Variants in CA5A observed in about 807,000 individuals in gnomAD.
The protein encoded by CA5A is carbonic anhydrase 5A, also known as carbonic anhydrase 5A, mitochondrial.
In CA5A, 28 loss-of-function variants were observed where a neutral mutation model predicts 37.1. That is an observed-to-expected ratio of 0.75 (90% CI 0.56 to 1.03). The LOEUF is 1.03. Ranked by LOEUF, CA5A falls within the 50% of genes least tolerant of loss-of-function variation. The pLI is 0.00. For synonymous variants in CA5A, 171 were observed against 158.4 expected (o/e 1.08, Z -0.60); for missense variants, 444 against 399.9 (o/e 1.11, Z -0.94).
At chr16:87,896,134 T>G (rs574802171) in intron 5 of CA5A, among the ~76,000 whole-genome samples, 1 of 152,332 alleles carries the variant, frequency 6.6e-6, no homozygotes, top group Non-Finnish European at 1.5e-5. Flanking sequence ...AGTTTACTGA[T>G]GAAGATAGAC....
At chr16:87,902,082 G>T in intron 4 of CA5A, 108 bp from the exon 5 acceptor site, 7 of 986,992 alleles carry the variant, frequency 7.1e-6, no homozygotes, top group Non-Finnish European at 9.7e-6. Flanking sequence ...GGCCAGGTGC[G>T]GTGGCTCATG....
chr16:87,926,801 C>G lies in CA5A; in HGVS notation c.287G>C (p.Trp96Ser), dbSNP rs766339583. ...CACCTGGAAGAGGTAGCCAGTGTTC[C>G]AGATGTACAGGCAGGATGCCGCTTC... ...SYEAASCLYIWNTGYLFQVEF... is the reference protein window; with the variant it reads ...SYEAASCLYISNTGYLFQVEF... Residue 96 changes from tryptophan to serine, a missense_variant, in exon 2 of 7, where the codon TGG becomes TCG. Transcript: ENST00000649794. 84 of 1,614,118 alleles carry G rather than the reference C, an allele frequency of 5.2e-5. 3 individuals carry two copies. Among genetic ancestry groups the G allele is most frequent in the African/African-American group, 8.0e-5 (6 of 74,954 alleles).
chr16:87,926,699 C>T (rs757087961), intron 2 of CA5A, 49 bp downstream of exon 2: 1 of 1,474,772 alleles, frequency 6.8e-7, no homozygotes, highest in South Asian at 1.2e-5. Context: ...GACCCTGCTG[C>T]CAGAACAACG....
chr16:87,888,370 A>G lies in CA5A; in HGVS notation c.775-98T>C, dbSNP rs558126910. On this transcript the variant is annotated intron_variant, in intron 6 of 6. Coordinates refer to ENST00000649794, the MANE Select transcript of CA5A (RefSeq NM_001739.2). ...CTTATGTGGTCCCCTCCCATGCTGA[A>G]TCAGGATGGCCCGAAATGATCAATA... is the stretch of plus-strand genomic sequence containing the variant. 16 of 1,054,834 alleles carry G rather than the reference A, an allele frequency of 1.5e-5. No homozygotes were observed. The African/African-American group carries it at 2.5e-4, about 17-fold the overall frequency. The allele number at this position is 1,054,834 out of a possible 1,614,324, so 65.3% of individuals were successfully genotyped here. A position where few individuals can be genotyped will look rare whatever the true frequency, so the allele number is the denominator to read the frequency against.
At chr16:87,929,826 C>T (rs1032313770) in intron 1 of CA5A, among the ~76,000 whole-genome samples, 3 of 142,940 alleles carry the variant, frequency 2.1e-5, no homozygotes, top group South Asian at 2.2e-4. Flanking sequence ...GAGCCGAGAT[C>T]GCGCCACCGC....
chr16:87,893,160 A>G (rs1307275814), intron 5 of CA5A: 15 of 417,098 alleles, frequency 3.6e-5, no homozygotes, highest in Non-Finnish European at 5.5e-5. Context: ...TTTTTTTCAG[A>G]CAGAGTCTCC....
rs558522128 is a variant in CA5A, at chr16:87,897,065, T to A, written c.618+4847A>T. On this transcript the variant is annotated intron_variant, in intron 5 of 6. Transcript: ENST00000649794. Reference sequence around the variant, plus strand: ...TTCCCCAGGTGTACGACAGGCAGTGTGGTGGCGGTAATGGGCTTCCATCAG... The same window carrying A: ...TTCCCCAGGTGTACGACAGGCAGTGAGGTGGCGGTAATGGGCTTCCATCAG... Among the ~76,000 whole-genome samples the A allele has an allele frequency of 1.2e-4, 19 of 152,372 alleles. No homozygotes were observed. The South Asian group carries it at 3.9e-3, about 32-fold the overall frequency.
At chr16:87,895,272 A>G (rs1295566460) in intron 5 of CA5A, among the ~76,000 whole-genome samples, 3 of 149,492 alleles carry the variant, frequency 2.0e-5, no homozygotes, top group Non-Finnish European at 4.5e-5. Context: ...TAGGCTGGGC[A>G]CGGTGGCTCA....
At chr16:87,928,477 G>A (rs985140954) in intron 1 of CA5A, among the ~76,000 whole-genome samples, 9 of 151,992 alleles carry the variant, frequency 5.9e-5, no homozygotes, top group African/African-American at 1.7e-4. Context: ...CACCACACCC[G>A]GCCAGGATTT....
intron 5 of CA5A, among the ~76,000 whole-genome samples, chr16:87,894,419 G>C (rs1245352991): frequency 6.6e-6 from 1 of 152,154 alleles, no homozygotes; most frequent in African/African-American, 2.4e-5. Context: ...TGGCAACCCA[G>C]ATGCCTTGGG....
At chr16:87,903,043 G>A (rs1230640014) in intron 3 of CA5A, among the ~76,000 whole-genome samples, 1 of 152,118 alleles carries the variant, frequency 6.6e-6, no homozygotes, top group African/African-American at 2.4e-5. Flanking sequence ...TGGTGGGGGG[G>A]GAAAGGAGAG....
chr16:87,929,871 C>CAAAAAAA lies in CA5A; in HGVS notation c.143-2933_143-2927dup, dbSNP rs58941982. Among the ~76,000 whole-genome samples the CAAAAAAA allele has an allele frequency of 1.3e-3, 81 of 62,126 alleles. 5 individuals carry two copies. Among genetic ancestry groups the CAAAAAAA allele is most frequent in the African/African-American group, 2.2e-3 (31 of 14,294 alleles). 40.8% of individuals were successfully genotyped at this position (62,126 alleles called of 152,430 possible). On this transcript the variant is annotated intron_variant, in intron 1 of 6. Coordinates refer to ENST00000649794, the MANE Select transcript of CA5A (RefSeq NM_001739.2). Reference sequence around the variant, plus strand: ...TGGGCAATACAGCGAGACTCCGTCTCAAAAAAAAAAAAAAAAAAAAAAAAA... The same window carrying CAAAAAAA: ...TGGGCAATACAGCGAGACTCCGTCTCAAAAAAAAAAAAAAAAAAAAAAAAAAAAAAAA...
At chr16:87,926,971 G>T (rs560834608) in intron 1 of CA5A, 26 bp from the exon 2 acceptor site, 7 of 1,457,884 alleles carry the variant, frequency 4.8e-6, no homozygotes, top group African/African-American at 1.4e-5. Flanking sequence ...CGGAGACCCT[G>T]AGTGAGGCAT....
intron 2 of CA5A, among the ~76,000 whole-genome samples, chr16:87,914,032 C>T (rs1210785257): frequency 6.6e-6 from 1 of 152,242 alleles, no homozygotes; most frequent in African/African-American, 2.4e-5. Flanking sequence ...TCCCGGACTT[C>T]CTAGCTGGAT....
In CA5A at chr16:87,918,557, C is replaced by T. The variant is rs1042731789; in HGVS notation, c.340+8191G>A. On this transcript the variant is annotated intron_variant, in intron 2 of 6. Transcript: ENST00000649794. ...AAACTGCTGGCAGTGTCCACGCCGA[C>T]GGAAATTTCCTTGGCCTGTCCGTTT... is the stretch of plus-strand genomic sequence containing the variant. 2.2e-4 allele frequency among the ~76,000 whole-genome samples: 33 copies of T among 152,320 alleles called. No homozygotes were observed. Among genetic ancestry groups the T allele is most frequent in the African/African-American group, 7.7e-4 (32 of 41,586 alleles).
rs116846882 is a variant in CA5A at position 87,924,313 on chromosome 16, A to G, written c.340+2435T>C. Reference sequence around the variant, plus strand: ...AGCAACCGTGAATGGCACTGAGCATACAGGCAGCGTGGCTCCTTCTCACCT... The same window carrying G: ...AGCAACCGTGAATGGCACTGAGCATGCAGGCAGCGTGGCTCCTTCTCACCT... On this transcript the variant is annotated intron_variant, in intron 2 of 6. Transcript: ENST00000649794. 3.8e-3 allele frequency: 3,728 copies of G among 985,366 alleles called. 4 individuals carry two copies. Among genetic ancestry groups the G allele is most frequent in the South Asian group, 7.8e-3 (166 of 21,292 alleles). 61.0% of individuals were successfully genotyped at this position (985,366 alleles called of 1,614,324 possible).
intron 6 of CA5A, among the ~76,000 whole-genome samples, chr16:87,890,491 A>C (rs1482194395): frequency 6.6e-6 from 1 of 152,148 alleles, no homozygotes; most frequent in Non-Finnish European, 1.5e-5. Context: ...ACTGCTGAGA[A>C]ACGTCTGCCG....
Position 87,923,750 on chromosome 16 carries a change from C to G in CA5A, c.340+2998G>C, listed in dbSNP as rs115862824. 1.9e-3 allele frequency: 1,870 copies of G among 985,060 alleles called. 33 individuals carry two copies. The African/African-American group carries it at 0.03, about 16-fold the overall frequency. The allele number at this position is 985,060 out of a possible 1,614,324, so 61.0% of individuals were successfully genotyped here. A position where few individuals can be genotyped will look rare whatever the true frequency, so the allele number is the denominator to read the frequency against. On this transcript the variant is annotated intron_variant, in intron 2 of 6. Transcript: ENST00000649794. Reference sequence around the variant, plus strand: ...TTTATACTTTACGACTTAGAGGAAACAAATCAGTTATTAAAATATCAGTGA... The same window carrying G: ...TTTATACTTTACGACTTAGAGGAAAGAAATCAGTTATTAAAATATCAGTGA...
intron 2 of CA5A, among the ~76,000 whole-genome samples, chr16:87,922,420 CCT>C (rs1254504759): frequency 6.6e-6 from 1 of 152,174 alleles, no homozygotes; most frequent in African/African-American, 2.4e-5. Flanking sequence ...TGTTTTCCAG[CCT>C]AAAGCCTGAG....
Sources: allele counts gnomAD v4.1 joint callset (sites outside exome capture counted in the v4.1 genomes callset), GRCh38; gene constraint gnomAD v4.1.1; transcripts MANE v1.5; gene names NCBI Gene and HGNC (gene_info 2026-07-23, HGNC 2026-07-21).